The following DIP2C variants were observed in gnomAD, a reference collection of about 807,000 sequenced individuals.
DIP2C encodes the protein DIP2 acetate--CoA ligase C (putative).
DIP2C carries 33 observed loss-of-function variants against 192.4 expected under a neutral mutation model. That is an observed-to-expected ratio of 0.17 (90% CI 0.13 to 0.23). The LOEUF (loss-of-function observed/expected upper bound fraction) is 0.23, where lower values mean the gene tolerates loss of function less well. Ranked by LOEUF, DIP2C falls within the 10% of genes least tolerant of loss-of-function variation. DIP2C has a pLI of 1.00. For missense variants in DIP2C, 1,537 were observed against 2,110.1 expected, an observed-to-expected ratio of 0.73 and a Z score of 5.32; for synonymous variants, 979 against 864.1, an observed-to-expected ratio of 1.13 and a Z score of -2.33.
At chr10:445,875 T>C (rs1240839921) in intron 3 of DIP2C, among the ~76,000 whole-genome samples, 1 of 151,680 alleles carries the variant, frequency 6.6e-6, no homozygotes, top group Non-Finnish European at 1.5e-5. Context: ...TATACATCTA[T>C]TGAGAAGAGT....
intron 1 of DIP2C, among the ~76,000 whole-genome samples, chr10:572,991 G>A (rs918004026): frequency 6.6e-5 from 10 of 152,168 alleles, no homozygotes; most frequent in East Asian, 5.8e-4. Context: ...ACCCAACTGC[G>A]GACTGAGGCA....
Position 323,362 on chromosome 10 carries a change from CCGGCGCTGTTAGAA to C in DIP2C, c.3924+3630_3924+3643del. ...GGGGGTGCGGGGCTCCAGCGAGAGA[CCGGCGCTGTTAGAA>C]CAGTCAGTCGGGGGTGCGGGGCTCC... On this transcript the variant is annotated intron_variant, in intron 31 of 36. Coordinates refer to ENST00000280886, the MANE Select transcript of DIP2C (RefSeq NM_014974.3). 4.4e-4 allele frequency among the ~76,000 whole-genome samples: 50 copies of C among 114,726 alleles called. 6 individuals carry two copies. Among genetic ancestry groups the C allele is most frequent in the South Asian group, 1.8e-3 (5 of 2,818 alleles). 75.3% of individuals were successfully genotyped at this position (114,726 alleles called of 152,430 possible).
At chr10:506,526 A>C (rs1028970902) in intron 1 of DIP2C, among the ~76,000 whole-genome samples, 2 of 152,142 alleles carry the variant, frequency 1.3e-5, no homozygotes, top group African/African-American at 4.8e-5. Context: ...AGCACAGTTC[A>C]TCTCAAATGT....
At chr10:319,410 T>C (rs1308330487) in intron 31 of DIP2C, among the ~76,000 whole-genome samples, 3 of 152,238 alleles carry the variant, frequency 2.0e-5, no homozygotes, top group African/African-American at 7.2e-5. Context: ...TTTCTGTTTA[T>C]GTTTTTTTCC....
chr10:326,940 G>A (rs1178355101), intron 31 of DIP2C, 66 bp downstream of exon 31: 2 of 1,543,384 alleles, frequency 1.3e-6, no homozygotes, highest in Non-Finnish European at 1.8e-6. Context: ...AGTGGAGCCA[G>A]TCTGTGCTGT....
Position 682,518 on chromosome 10 carries a change from G to C in DIP2C, c.85+6976C>G, listed in dbSNP as rs116830095. On this transcript the variant is annotated intron_variant, in intron 1 of 36. Transcript: ENST00000280886. ...CCAAACACCTGTAAGAAATGGTCAA[G>C]TAAACTGTGATACATCAACCCAAAG... 7.9e-3 allele frequency among the ~76,000 whole-genome samples: 1,195 copies of C among 152,000 alleles called. 13 individuals are homozygous for C. The highest frequency in any genetic ancestry group is 0.028 in the African/African-American group (1,156 of 41,454).
chr10:331,225 A>C (rs1297095793), intron 29 of DIP2C, among the ~76,000 whole-genome samples: 1 of 152,206 alleles, frequency 6.6e-6, no homozygotes, highest in African/African-American at 2.4e-5. Flanking sequence ...TCTCATCTAA[A>C]AATTTTCATA....
intron 32 of DIP2C, among the ~76,000 whole-genome samples, chr10:296,737 AG>A (rs1955771213): frequency 6.6e-6 from 1 of 152,002 alleles, no homozygotes; most frequent in African/African-American, 2.4e-5. Context: ...TGTTCTTTGT[AG>A]GAACATGGAG....
intron 18 of DIP2C, among the ~76,000 whole-genome samples, chr10:369,086 T>C (rs1960652232): frequency 6.6e-6 from 1 of 152,212 alleles, no homozygotes; most frequent in South Asian, 2.1e-4. Flanking sequence ...CAAACTCACA[T>C]TCCTTGATTT....
intron 17 of DIP2C, among the ~76,000 whole-genome samples, chr10:376,648 G>A (rs1310680290): frequency 1.3e-5 from 2 of 150,472 alleles, no homozygotes; most frequent in African/African-American, 4.9e-5. Flanking sequence ...ACGTAAATCA[G>A]CCCTGATGAA....
intron 29 of DIP2C, among the ~76,000 whole-genome samples, chr10:335,786 A>G (rs1346695122): frequency 6.6e-6 from 1 of 152,022 alleles, no homozygotes; most frequent in Non-Finnish European, 1.5e-5. Context: ...TCCTTTAACT[A>G]TTTCGTGGAT....
At chr10:530,852 T>C (rs1847323438) in intron 1 of DIP2C, among the ~76,000 whole-genome samples, 1 of 152,024 alleles carries the variant, frequency 6.6e-6, no homozygotes. Context: ...CACTAACTCC[T>C]GTACAGTTTG....
At chr10:408,177 C>A (rs1964944356) in intron 9 of DIP2C, among the ~76,000 whole-genome samples, 2 of 152,160 alleles carry the variant, frequency 1.3e-5, no homozygotes, top group African/African-American at 4.8e-5. Flanking sequence ...GTCCAGTTTT[C>A]CCAGCACTGT....
intron 13 of DIP2C, among the ~76,000 whole-genome samples, chr10:389,126 C>A (rs1963243424): frequency 7.0e-6 from 1 of 143,734 alleles, no homozygotes; most frequent in Non-Finnish European, 1.5e-5. Context: ...TTGGGGCATC[C>A]CAAGGGATCT....
intron 29 of DIP2C, among the ~76,000 whole-genome samples, chr10:337,349 C>T (rs370947577): frequency 0.13 from 2,529 of 19,008 alleles, 112 homozygotes; most frequent in African/African-American, 0.3. Flanking sequence ...CAGGTGTGTG[C>T]GCGCGTGTGT....
chr10:283,678 C>T (rs576602338), intron 34 of DIP2C, among the ~76,000 whole-genome samples: 124 of 152,292 alleles, frequency 8.1e-4, no homozygotes, highest in Non-Finnish European at 1.4e-3. Context: ...CAAGGCATCC[C>T]TATGGGGAAC....
At chr10:315,583 A>G (rs1001703089) in intron 31 of DIP2C, among the ~76,000 whole-genome samples, 1 of 152,042 alleles carries the variant, frequency 6.6e-6, no homozygotes, top group African/African-American at 2.4e-5. Context: ...CCCCCTACTT[A>G]GTTTTATTTC....
intron 1 of DIP2C, among the ~76,000 whole-genome samples, chr10:549,512 G>A (rs571194589): frequency 4.6e-5 from 7 of 152,132 alleles, no homozygotes; most frequent in South Asian, 2.1e-4. Flanking sequence ...ACGCAGAAGT[G>A]ACCCATACAG....
At chr10:544,123 G>A (rs185862112) in intron 1 of DIP2C, among the ~76,000 whole-genome samples, 12 of 150,748 alleles carry the variant, frequency 8.0e-5, no homozygotes, top group Admixed American at 5.3e-4. Context: ...CATTCAAGGT[G>A]AGTGGAATCG....
Sources: gnomAD v4.1 joint callset for allele counts (sites outside exome capture counted in the v4.1 genomes callset) on GRCh38, gnomAD v4.1.1 for gene constraint, MANE v1.5 for transcripts, NCBI Gene and HGNC (gene_info 2026-07-23, HGNC 2026-07-21) for gene names.